Variants in VMP1 observed in about 807,000 individuals in gnomAD.
The protein encoded by VMP1 is ectopic P-granules autophagy protein 3 homolog.
Under a neutral mutation model 56.0 loss-of-function variants are expected in VMP1, and 11 were observed. That is an observed-to-expected ratio of 0.20 (90% confidence interval 0.12 to 0.32). The LOEUF is 0.32. VMP1 is among the 10% of genes least tolerant of loss of function. VMP1 has a pLI of 1.00. For missense variants in VMP1, 296 were observed against 490.3 expected, an observed-to-expected ratio of 0.60 and a Z score of 3.74; for synonymous variants, 149 against 165.0, an observed-to-expected ratio of 0.90 and a Z score of 0.74.
intron 1 of VMP1, among the ~76,000 whole-genome samples, chr17:59,709,436 C>G (rs1201848783): frequency 6.6e-6 from 1 of 152,152 alleles, no homozygotes; most frequent in African/African-American, 2.4e-5. Context: ...GATAGGTTAC[C>G]TAACATTCTG....
intron 7 of VMP1, among the ~76,000 whole-genome samples, chr17:59,802,116 G>A (rs1406443714): frequency 2.0e-5 from 3 of 151,836 alleles, no homozygotes; most frequent in Admixed American, 1.3e-4. Flanking sequence ...TGTGAGAATC[G>A]CTTGAACCCA....
At chr17:59,749,039 TC>T (rs2035541687) in intron 5 of VMP1, among the ~76,000 whole-genome samples, 2 of 151,390 alleles carry the variant, frequency 1.3e-5, no homozygotes, top group African/African-American at 2.4e-5. Flanking sequence ...AACCTCTGCT[TC>T]CTGGGTTCCA....
chr17:59,767,339 C>A (rs189732637), intron 6 of VMP1, among the ~76,000 whole-genome samples: 1 of 152,108 alleles, frequency 6.6e-6, no homozygotes, highest in African/African-American at 2.4e-5. Flanking sequence ...AAAGGAAATA[C>A]CATCATGTTG....
intron 5 of VMP1, among the ~76,000 whole-genome samples, chr17:59,762,447 A>G (rs759738119): frequency 6.6e-6 from 1 of 152,232 alleles, no homozygotes; most frequent in Non-Finnish European, 1.5e-5. Context: ...AATTATGTGT[A>G]ACTTTTAAAA....
intron 6 of VMP1, among the ~76,000 whole-genome samples, chr17:59,769,446 CT>C (rs2036351530): frequency 1.3e-5 from 2 of 152,112 alleles, no homozygotes; most frequent in Admixed American, 1.3e-4. Flanking sequence ...TGCAGATTTG[CT>C]TGTGAGTTCA....
chr17:59,799,707 A>T (rs2037569911), intron 7 of VMP1, among the ~76,000 whole-genome samples: 1 of 152,198 alleles, frequency 6.6e-6, no homozygotes, highest in Admixed American at 6.5e-5. Context: ...TCACGCCTGA[A>T]ATCCCAGCAT....
intron 1 of VMP1, among the ~76,000 whole-genome samples, chr17:59,710,857 G>A (rs1320866904): frequency 2.0e-5 from 3 of 152,144 alleles, no homozygotes; most frequent in African/African-American, 7.2e-5. Context: ...GATCACCTGA[G>A]ATCAGGAGTT....
At chr17:59,748,195 CA>C (rs36016640) in intron 5 of VMP1, among the ~76,000 whole-genome samples, 76,465 of 103,388 alleles carry the variant, frequency 0.74, 26,172 homozygotes, top group South Asian at 0.82. Flanking sequence ...GACTCCGTCT[CA>C]AAAAAAAAAA....
intron 3 of VMP1, 190 bp downstream of exon 3, chr17:59,735,663 A>G (rs1467871293): frequency 3.3e-6 from 2 of 602,802 alleles, no homozygotes; most frequent in African/African-American, 1.8e-5. Context: ...AGACATTGCT[A>G]TTTGCTGTTT....
chr17:59,837,859 C>CT (rs1381318333), intron 10 of VMP1: 2 of 152,484 alleles, frequency 1.3e-5, no homozygotes, highest in African/African-American at 4.8e-5. Flanking sequence ...AAGTCATTTC[C>CT]TTATTAATTG....
chr17:59,753,369 T>G (rs1035662509), intron 5 of VMP1, among the ~76,000 whole-genome samples: 13 of 152,170 alleles, frequency 8.5e-5, no homozygotes, highest in African/African-American at 2.7e-4. Flanking sequence ...AATAGAAATA[T>G]GATTCATAAT....
At position 59,718,803 on chromosome 17, in the gene VMP1, G is replaced by T. The variant is rs1431529048; in HGVS notation, c.-27+11055G>T. Among the ~76,000 whole-genome samples, 6 of 151,920 alleles carry T rather than the reference G, an allele frequency of 3.9e-5. No individual in the cohort carries two copies. In the South Asian group the frequency reaches 8.3e-4, roughly 21 times the overall value. On this transcript the variant is annotated intron_variant, in intron 1 of 11. Coordinates refer to ENST00000262291, the MANE Select transcript of VMP1 (RefSeq NM_030938.5). Reference sequence around the variant, plus strand: ...TGCCTCAGCCTCCCAAAACGATAGGGTTATTACAGGTGTGAGCCATCACAC... The same window carrying T: ...TGCCTCAGCCTCCCAAAACGATAGGTTTATTACAGGTGTGAGCCATCACAC...
chr17:59,765,242 A>C (rs1489187659), intron 6 of VMP1, 104 bp downstream of exon 6: 1 of 1,313,692 alleles, frequency 7.6e-7, no homozygotes, highest in Non-Finnish European at 1.0e-6. Flanking sequence ...TCAGTAAATG[A>C]TTCAGTCAGT....
intron 1 of VMP1, among the ~76,000 whole-genome samples, chr17:59,710,094 G>C (rs147718807): frequency 0.022 from 3,298 of 152,234 alleles, 47 homozygotes; most frequent in Non-Finnish European, 0.033. Flanking sequence ...CTACTCCGGA[G>C]GCTGAGGCAG....
At chr17:59,747,146 G>T (rs1458014979) in intron 5 of VMP1, among the ~76,000 whole-genome samples, 3 of 152,152 alleles carry the variant, frequency 2.0e-5, no homozygotes, top group South Asian at 2.1e-4. Flanking sequence ...GCTCTACTAA[G>T]CCAGGAGACA....
intron 1 of VMP1, among the ~76,000 whole-genome samples, chr17:59,714,202 G>A (rs1432592123): frequency 6.6e-6 from 1 of 152,106 alleles, no homozygotes; most frequent in Non-Finnish European, 1.5e-5. Flanking sequence ...TTGGGTAAGG[G>A]CCTTCTTGCT....
chr17:59,821,539 C>CTT (rs530907168), intron 10 of VMP1, among the ~76,000 whole-genome samples: 349 of 104,644 alleles, frequency 3.3e-3, no homozygotes, highest in African/African-American at 5.9e-3. Flanking sequence ...AGCTACTTTT[C>CTT]TTTTTTTTTT....
At chr17:59,755,624 GAT>G (rs1309710918) in intron 5 of VMP1, among the ~76,000 whole-genome samples, 1 of 152,038 alleles carries the variant, frequency 6.6e-6, no homozygotes, top group African/African-American at 2.4e-5. Context: ...CAAAGGAAGA[GAT>G]AGAAGTTACC....
At chr17:59,716,110 G>T (rs1188250316) in intron 1 of VMP1, among the ~76,000 whole-genome samples, 2 of 152,094 alleles carry the variant, frequency 1.3e-5, no homozygotes, top group Non-Finnish European at 2.9e-5. Context: ...TCATGAAAAA[G>T]TTCAGTATCC....
Sources: gnomAD v4.1 joint callset for allele counts (sites outside exome capture counted in the v4.1 genomes callset) on GRCh38, gnomAD v4.1.1 for gene constraint, MANE v1.5 for transcripts, NCBI Gene and HGNC (gene_info 2026-07-23, HGNC 2026-07-21) for gene names.